The following AHI1 variants were observed in gnomAD, a reference collection of about 807,000 sequenced individuals.
AHI1 encodes Abelson helper integration site 1.
Under a neutral mutation model 149.3 loss-of-function variants are expected in AHI1, and 123 were observed. That is an observed-to-expected ratio of 0.82 (90% CI 0.71 to 0.96). The LOEUF (loss-of-function observed/expected upper bound fraction) is 0.96. Among genes scored for constraint, AHI1 ranks in the 40% least tolerant of loss-of-function variants. The probability of loss-of-function intolerance (pLI) is 0.00; values close to 1 mark genes in which losing one functional copy is unlikely to be tolerated. For synonymous variants in AHI1, 475 were observed against 459.8 expected (o/e 1.03, Z -0.42); for missense variants, 1,439 against 1,422.7 (o/e 1.01, Z -0.18).
At chr6:135,494,634 G>T (rs913091561) in intron 3 of AHI1, among the ~76,000 whole-genome samples, 1 of 152,120 alleles carries the variant, frequency 6.6e-6, no homozygotes, top group Non-Finnish European at 1.5e-5. Context: ...TTACTGTCAC[G>T]TGTGTGTGTG....
Position 135,325,323 on chromosome 6 carries a change from G to A in AHI1, c.3166-1999C>T, listed in dbSNP as rs554965825. On this transcript the variant is annotated intron_variant, in intron 24 of 28. Transcript: ENST00000265602. ...ATTACAGGCGTGAGCCACTGCGTCC[G>A]GCCACAAGTTATAATTTTAGTATAC... Among the ~76,000 whole-genome samples the A allele has an allele frequency of 5.9e-5, 9 of 152,238 alleles. No homozygotes were observed. The South Asian group carries it at 1.7e-3, about 28-fold the overall frequency.
chr6:135,425,731 T>C (rs1562738494), intron 20 of AHI1, among the ~76,000 whole-genome samples: 1 of 151,906 alleles, frequency 6.6e-6, no homozygotes, highest in Middle Eastern at 3.4e-3. Context: ...ACTCCTAAAA[T>C]GCTTAGCTCT....
intron 10 of AHI1, among the ~76,000 whole-genome samples, chr6:135,454,871 T>C (rs1002377155): frequency 2.6e-5 from 4 of 152,162 alleles, no homozygotes; most frequent in Non-Finnish European, 5.9e-5. Context: ...AATGTAAATA[T>C]TGGAATATTT....
chr6:135,358,091 T>C (rs1489365705), intron 24 of AHI1, 41 bp downstream of exon 24: 1 of 1,586,570 alleles, frequency 6.3e-7, no homozygotes. Flanking sequence ...AATTTTGTAC[T>C]TTCTTAACAC....
chr6:135,341,054 C>T (rs988162868), intron 24 of AHI1, among the ~76,000 whole-genome samples: 5 of 151,818 alleles, frequency 3.3e-5, no homozygotes, highest in African/African-American at 9.7e-5. Context: ...AAAACAACAA[C>T]GATAATATAT....
chr6:135,323,506 T>TA (rs1438213702), intron 24 of AHI1, 182 bp from the exon 25 acceptor site: 1 of 459,558 alleles, frequency 2.2e-6, no homozygotes, highest in African/African-American at 2.0e-5. Context: ...AGAAGCAAGA[T>TA]AAAAGACTGT....
At chr6:135,395,523 C>T (rs1031791692) in intron 22 of AHI1, among the ~76,000 whole-genome samples, 5 of 151,876 alleles carry the variant, frequency 3.3e-5, no homozygotes, top group African/African-American at 1.2e-4. Flanking sequence ...TGAGTGCACA[C>T]TAGCCTCACA....
chr6:135,484,026 GCT>G (rs1396130974), intron 5 of AHI1, among the ~76,000 whole-genome samples: 145 of 152,120 alleles, frequency 9.5e-4, no homozygotes, highest in African/African-American at 3.2e-3. Context: ...GTTCCACATG[GCT>G]GTGGCCTCAC....
At chr6:135,362,448 T>G (rs1056544657) in intron 23 of AHI1, among the ~76,000 whole-genome samples, 1 of 152,176 alleles carries the variant, frequency 6.6e-6, no homozygotes, top group African/African-American at 2.4e-5. Context: ...ATCTCCACAC[T>G]GTTTTCCATA....
intron 24 of AHI1, among the ~76,000 whole-genome samples, chr6:135,330,900 TGTG>T (rs1788488567): frequency 6.6e-6 from 1 of 152,230 alleles, no homozygotes; most frequent in African/African-American, 2.4e-5. Flanking sequence ...GGCAGTGGAT[TGTG>T]AGTAAATCAT....
At chr6:135,476,493 A>G (rs1345968879) in intron 5 of AHI1, among the ~76,000 whole-genome samples, 7 of 152,110 alleles carry the variant, frequency 4.6e-5, no homozygotes, top group African/African-American at 1.7e-4. Flanking sequence ...CATAAAACTC[A>G]ACTCAAATTT....
At chr6:135,296,158 ATTTAT>A (rs1783066442) in intron 27 of AHI1, among the ~76,000 whole-genome samples, 1 of 152,126 alleles carries the variant, frequency 6.6e-6, no homozygotes, top group South Asian at 2.1e-4. Flanking sequence ...CCTGGCCGCA[ATTTAT>A]TTTATATCAA....
chr6:135,490,588 T>C, intron 5 of AHI1, 35 bp downstream of exon 5: 3 of 1,612,312 alleles, frequency 1.9e-6, no homozygotes, highest in Non-Finnish European at 1.7e-6. Context: ...TATGCGCATA[T>C]GTAAATCACT....
chr6:135,315,238 T>G (rs1202537223), intron 26 of AHI1, among the ~76,000 whole-genome samples: 1 of 152,182 alleles, frequency 6.6e-6, no homozygotes, highest in Non-Finnish European at 1.5e-5. Flanking sequence ...CAATTTCACT[T>G]CAGCTTTTAT....
chr6:135,442,866 T>C (rs1000879523), intron 13 of AHI1, among the ~76,000 whole-genome samples, 152 bp from the exon 14 acceptor site: 2 of 152,160 alleles, frequency 1.3e-5, no homozygotes, highest in Non-Finnish European at 2.9e-5. Flanking sequence ...CCATAGTAAA[T>C]TGCTTTGTAA....
intron 17 of AHI1, among the ~76,000 whole-genome samples, 171 bp downstream of exon 17, chr6:135,431,037 C>G (rs922759890): frequency 6.6e-6 from 1 of 151,932 alleles, no homozygotes; most frequent in African/African-American, 2.4e-5. Context: ...GTCGTTATAT[C>G]ATCAGTCAGC....
In AHI1 at chr6:135,496,023, T is replaced by C. The variant is rs940665146; in HGVS notation, c.-139-125A>G. The C allele has an allele frequency of 2.6e-5, 4 of 152,292 alleles. No homozygotes were observed. In the South Asian group the frequency reaches 8.3e-4, roughly 32 times the overall value. The allele number at this position is 152,292 out of a possible 1,614,324, so 9.4% of individuals were successfully genotyped here. On this transcript the variant is annotated intron_variant, in intron 2 of 28. Coordinates refer to ENST00000265602, the MANE Select transcript of AHI1 (RefSeq NM_001134831.2). ...TTACAAATAAAATATATAAATCATA[T>C]ACTTATTTACTATTAACAGCTTAAT...
In AHI1 at chr6:135,428,464, G is replaced by T. The variant is rs138612060; in HGVS notation, c.2623+165C>A. Among the ~76,000 whole-genome samples the T allele has an allele frequency of 2.4e-4, 37 of 151,736 alleles. No homozygotes were observed. In the East Asian group the frequency reaches 6.9e-3, roughly 28 times the overall value. On this transcript the variant is annotated intron_variant, in intron 19 of 28. Transcript: ENST00000265602. ...GAGAACAAAATTTAATACAAGTTTA[G>T]ACTGTAGCTGAGTTCCTTTAAAGGC...
intron 23 of AHI1, among the ~76,000 whole-genome samples, chr6:135,394,059 C>T (rs543571041): frequency 2.7e-4 from 41 of 152,120 alleles, no homozygotes; most frequent in African/African-American, 7.9e-4. Flanking sequence ...TCTTCTCATA[C>T]GCAAATTTTC....
Sources: gnomAD v4.1 joint callset for allele counts (sites outside exome capture counted in the v4.1 genomes callset) on GRCh38, gnomAD v4.1.1 for gene constraint, MANE v1.5 for transcripts, NCBI Gene and HGNC (gene_info 2026-07-23, HGNC 2026-07-21) for gene names.